EYA4: variants seen among roughly 807,000 people sequenced by gnomAD.
EYA4 encodes the protein protein phosphatase EYA4.
In EYA4, 31 loss-of-function variants were observed where a neutral mutation model predicts 87.9. The observed-to-expected ratio is 0.35, with a 90% CI of 0.27 to 0.48. EYA4 has a LOEUF of 0.48. Among genes scored for constraint, EYA4 ranks in the 20% least tolerant of loss-of-function variants. The probability of loss-of-function intolerance (pLI) is 0.99; values close to 1 mark genes in which losing one functional copy is unlikely to be tolerated. For missense variants in EYA4, 678 were observed against 761.4 expected, an observed-to-expected ratio of 0.89 and a Z score of 1.29; for synonymous variants, 263 against 270.6, an observed-to-expected ratio of 0.97 and a Z score of 0.28.
chr6:133,400,236 G>A (rs997604228), intron 3 of EYA4, among the ~76,000 whole-genome samples: 4 of 152,132 alleles, frequency 2.6e-5, no homozygotes, highest in Admixed American at 6.5e-5. Flanking sequence ...GCGGTGGGGC[G>A]TGGTGGCTCA....
chr6:133,524,964 T>C (rs777002787), intron 18 of EYA4, 190 bp from the exon 19 acceptor site: 33 of 1,451,992 alleles, frequency 2.3e-5, no homozygotes, highest in Non-Finnish European at 2.9e-5. Context: ...TATGAATCTT[T>C]AGGTTAATGA....
intron 2 of EYA4, among the ~76,000 whole-genome samples, chr6:133,290,330 G>A (rs1395071112): frequency 6.6e-6 from 1 of 152,074 alleles, no homozygotes; most frequent in East Asian, 1.9e-4. Flanking sequence ...ACCCTGACTT[G>A]TGCCTTCATC....
intron 11 of EYA4, among the ~76,000 whole-genome samples, chr6:133,478,016 A>G (rs1420407928): frequency 6.6e-6 from 1 of 152,126 alleles, no homozygotes; most frequent in Non-Finnish European, 1.5e-5. Context: ...ATAATTACTC[A>G]TCAAGAAAAT....
chr6:133,362,903 C>T (rs1018560655), intron 2 of EYA4, among the ~76,000 whole-genome samples: 3 of 152,218 alleles, frequency 2.0e-5, no homozygotes, highest in Non-Finnish European at 4.4e-5. Flanking sequence ...TTCTCTCTGT[C>T]CTGAAAGAGG....
chr6:133,290,050 T>C (rs1778362350), intron 2 of EYA4, among the ~76,000 whole-genome samples: 1 of 152,232 alleles, frequency 6.6e-6, no homozygotes, highest in African/African-American at 2.4e-5. Flanking sequence ...GAGCCCCAGA[T>C]GCCCACAGCT....
intron 2 of EYA4, among the ~76,000 whole-genome samples, chr6:133,331,194 A>G (rs890639964): frequency 2.6e-5 from 4 of 152,170 alleles, no homozygotes; most frequent in African/African-American, 9.7e-5. Context: ...ATTTTTACCA[A>G]ATAGATATGG....
intron 2 of EYA4, among the ~76,000 whole-genome samples, chr6:133,350,283 T>G (rs931792023): frequency 7.2e-5 from 11 of 152,032 alleles, no homozygotes; most frequent in African/African-American, 2.4e-4. Flanking sequence ...CCATCCTACT[T>G]GGAGGGGAGA....
intron 13 of EYA4, among the ~76,000 whole-genome samples, chr6:133,495,377 T>TAAAG (rs1323859060): frequency 4.6e-5 from 6 of 130,272 alleles, no homozygotes; most frequent in East Asian, 2.0e-4. Flanking sequence ...TAAATAAATA[T>TAAAG]AAATATATTC....
chr6:133,374,387 G>C (rs1450403482), intron 2 of EYA4, among the ~76,000 whole-genome samples: 1 of 151,978 alleles, frequency 6.6e-6, no homozygotes, highest in East Asian at 1.9e-4. Flanking sequence ...TTAAAGGCCA[G>C]AAATCAAGTG....
intron 19 of EYA4, among the ~76,000 whole-genome samples, chr6:133,528,161 A>G (rs1800788234): frequency 6.6e-6 from 1 of 152,142 alleles, no homozygotes; most frequent in African/African-American, 2.4e-5. Context: ...GGTCGACTCT[A>G]CTGGCTTAAG....
At chr6:133,251,226 A>G (rs897477467) in intron 1 of EYA4, among the ~76,000 whole-genome samples, 2 of 152,362 alleles carry the variant, frequency 1.3e-5, no homozygotes, top group South Asian at 2.1e-4. Flanking sequence ...GTAGTACTTT[A>G]TAGCCAATAT....
At chr6:133,398,060 A>G (rs1409559782) in intron 3 of EYA4, among the ~76,000 whole-genome samples, 2 of 152,210 alleles carry the variant, frequency 1.3e-5, no homozygotes, top group Admixed American at 6.5e-5. Context: ...AGTTAAAGCA[A>G]CTGAGTGGCC....
rs181128006 is a variant in EYA4 at position 133,408,428 on chromosome 6, T to C, written c.83+25987T>C. 1.5e-3 allele frequency among the ~76,000 whole-genome samples: 230 copies of C among 152,298 alleles called. 1 individual carries two copies. The highest frequency in any genetic ancestry group is 5.3e-3 in the African/African-American group (221 of 41,556). ...GTAGAGGTTAAAAATACATATATAT[T>C]TGGTCTGGTTCTTAGAATCTACGCA... On this transcript the variant is annotated intron_variant, in intron 3 of 19. Coordinates refer to ENST00000355286, the MANE Select transcript of EYA4 (RefSeq NM_004100.5).
intron 2 of EYA4, among the ~76,000 whole-genome samples, chr6:133,349,031 C>A (rs1385133093): frequency 6.6e-6 from 1 of 152,204 alleles, no homozygotes; most frequent in Admixed American, 6.5e-5. Context: ...AGTTAATTCA[C>A]CCTAGCCAAA....
At chr6:133,281,128 A>G (rs1460452831) in intron 2 of EYA4, among the ~76,000 whole-genome samples, 1 of 152,138 alleles carries the variant, frequency 6.6e-6, no homozygotes, top group East Asian at 1.9e-4. Context: ...GAAAGAATAT[A>G]AATTTGCCCC....
chr6:133,511,081 T>C (rs954202588), intron 14 of EYA4, among the ~76,000 whole-genome samples: 1 of 152,166 alleles, frequency 6.6e-6, no homozygotes, highest in Non-Finnish European at 1.5e-5. Flanking sequence ...CTTACCTGGA[T>C]TTTCAAGTTA....
At chr6:133,473,819 C>A (rs1795487631) in intron 11 of EYA4, among the ~76,000 whole-genome samples, 1 of 151,858 alleles carries the variant, frequency 6.6e-6, no homozygotes, top group South Asian at 2.1e-4. Context: ...GCACCTAGAG[C>A]ACAAAATTTA....
intron 3 of EYA4, among the ~76,000 whole-genome samples, chr6:133,402,543 G>A (rs531268582): frequency 1.6e-4 from 24 of 152,252 alleles, no homozygotes; most frequent in African/African-American, 5.5e-4. Context: ...AACTCACATT[G>A]TTTTGTTACC....
intron 2 of EYA4, among the ~76,000 whole-genome samples, chr6:133,344,747 C>T (rs1783068531): frequency 6.6e-6 from 1 of 151,988 alleles, no homozygotes; most frequent in South Asian, 2.1e-4. Flanking sequence ...ATACATAACC[C>T]AAATTATGGA....
Sources: gnomAD v4.1 joint callset for allele counts (sites outside exome capture counted in the v4.1 genomes callset) on GRCh38, gnomAD v4.1.1 for gene constraint, MANE v1.5 for transcripts, NCBI Gene and HGNC (gene_info 2026-07-23, HGNC 2026-07-21) for gene names.